The following ABHD2 variants were observed in gnomAD, a reference collection of about 807,000 sequenced individuals.
The protein encoded by ABHD2 is monoacylglycerol lipase ABHD2.
In ABHD2, 20 loss-of-function variants were observed where a neutral mutation model predicts 48.1. That is an observed-to-expected ratio of 0.42 (90% CI 0.29 to 0.60). ABHD2 has a LOEUF of 0.60. Among genes scored for constraint, ABHD2 ranks in the 20% least tolerant of loss-of-function variants. The pLI is 0.24. For synonymous variants in ABHD2, 209 were observed against 214.2 expected, an observed-to-expected ratio of 0.98 and a Z score of 0.21; for missense variants, 405 against 550.9, an observed-to-expected ratio of 0.74 and a Z score of 2.65.
Position 89,151,105 on chromosome 15 carries a change from A to G in ABHD2, c.195-572A>G, listed in dbSNP as rs1416891418. On this transcript the variant is annotated intron_variant, in intron 3 of 10. Transcript: ENST00000352732. This position sits in a 1 kb window ranked among gnomAD's most constrained non-coding sequence, Gnocchi z 4.7. ...CAAATATTTACACTGCACTGCCCTT[A>G]CAGCATATTCTCTGGAGCATAGAGT... Among the ~76,000 whole-genome samples, 1 of 152,242 alleles carries G rather than the reference A, an allele frequency of 6.6e-6. No individual in the cohort carries two copies. The highest frequency in any genetic ancestry group is 1.5e-5 in the Non-Finnish European group (1 of 68,050).
chr15:89,116,196 G>T lies in ABHD2; in HGVS notation c.-6-126G>T, dbSNP rs540302187. The T allele has an allele frequency of 1.1e-6, 1 of 876,874 alleles. No homozygotes were observed. The highest frequency in any genetic ancestry group is 2.5e-5 in the East Asian group (1 of 39,436). 54.3% of individuals were successfully genotyped at this position (876,874 alleles called of 1,614,324 possible). A position where few individuals can be genotyped will look rare whatever the true frequency, so the allele number is the denominator to read the frequency against. ...GGTGTCTGCCTGTCAGGAGCCTGCG[G>T]AAACATCTGAATTGTGACACACCGT... On this transcript the variant is annotated intron_variant, in intron 2 of 10. Coordinates refer to ENST00000352732, the MANE Select transcript of ABHD2 (RefSeq NM_152924.5). This position sits in a 1 kb window ranked among gnomAD's most constrained non-coding sequence, Gnocchi z 4.6.
intron 3 of ABHD2, among the ~76,000 whole-genome samples, chr15:89,129,605 T>C (rs1166560906): frequency 6.6e-6 from 1 of 151,910 alleles, no homozygotes; most frequent in African/African-American, 2.4e-5. Flanking sequence ...GGGGCCCAAG[T>C]GAGAGGGTGA....
rs1005615581 is a variant in ABHD2 at position 89,201,760 on chromosome 15, G to C, written c.*6337G>C. ...AGGTCTATGGGCGGGTCGAGGACCA[G>C]GATCTGCTCGTGCTTCGCCGTGGCC... On this transcript the variant is annotated 3_prime_UTR_variant, in exon 11 of 11. Coordinates refer to ENST00000352732, the MANE Select transcript of ABHD2 (RefSeq NM_152924.5). 3.8e-5 allele frequency: 59 copies of C among 1,535,960 alleles called. No individual in the cohort carries two copies. The Middle Eastern group carries it at 1.2e-3, about 31-fold the overall frequency.
chr15:89,155,680 G>T lies in ABHD2; in HGVS notation c.538+146G>T. The stretch of plus-strand genomic sequence containing the variant: ...ACACGGTTATATCAACAGCCAACTT[G>T]TACTGGGCATTGATGATGCCATGCC... On this transcript the variant is annotated intron_variant, in intron 5 of 10. Transcript: ENST00000352732. The surrounding 1 kb of genome is among the most constrained non-coding windows in gnomAD (Gnocchi z 4.9). 1 of 1,022,402 alleles carries T rather than the reference G, an allele frequency of 9.8e-7. No homozygotes were observed. The highest frequency in any genetic ancestry group is 1.4e-6 in the Non-Finnish European group (1 of 713,810). The allele number at this position is 1,022,402 out of a possible 1,614,324, so 63.3% of individuals were successfully genotyped here.
At chr15:89,148,118 C>CAAA (rs10711138) in intron 3 of ABHD2, among the ~76,000 whole-genome samples, 126 of 69,412 alleles carry the variant, frequency 1.8e-3, no homozygotes, top group South Asian at 4.0e-3. Context: ...GACTCCGTCT[C>CAAA]AAAAAAAAAA....
At chr15:89,178,043 A>G (rs1455091266) in intron 6 of ABHD2, among the ~76,000 whole-genome samples, 1 of 152,234 alleles carries the variant, frequency 6.6e-6, no homozygotes, top group Admixed American at 6.5e-5. Context: ...TTTTGCAGAC[A>G]TAGCCTACAC....
rs1278419562 is a variant in ABHD2, at chr15:89,106,522, G to T, written c.-106-7203G>T. 1.3e-5 allele frequency: 2 copies of T among 152,208 alleles called. No individual in the cohort carries two copies. Among genetic ancestry groups the T allele is most frequent in the African/African-American group, 4.8e-5 (2 of 41,408 alleles). The allele number at this position is 152,208 out of a possible 1,614,324, so 9.4% of individuals were successfully genotyped here. A position where few individuals can be genotyped will look rare whatever the true frequency, so the allele number is the denominator to read the frequency against. ...CCGAAGCCTCCTGGCTATGTTCTGA[G>T]GCTCTCCCATCCCATGGCAGTGAAA... On this transcript the variant is annotated intron_variant, in intron 1 of 10. Coordinates refer to ENST00000352732, the MANE Select transcript of ABHD2 (RefSeq NM_152924.5). This position sits in a 1 kb window ranked among gnomAD's most constrained non-coding sequence, Gnocchi z 4.2.
At position 89,151,931 on chromosome 15, in the gene ABHD2, T is replaced by C; in HGVS notation, c.370+79T>C. 6.6e-7 allele frequency: 1 copy of C among 1,521,874 alleles called. No homozygotes were observed. Among genetic ancestry groups the C allele is most frequent in the Non-Finnish European group, 8.9e-7 (1 of 1,127,724 alleles). The allele number at this position is 1,521,874 out of a possible 1,614,324, so 94.3% of individuals were successfully genotyped here. ...TCAGTGGAGAGCACAGCAGTGTGAA[T>C]ACTTGTGCCACTGACTCTGCCCATG... is the stretch of plus-strand genomic sequence containing the variant. On this transcript the variant is annotated intron_variant, in intron 4 of 10. Transcript: ENST00000352732. The surrounding 1 kb of genome is among the most constrained non-coding windows in gnomAD (Gnocchi z 4.7).
chr15:89,043,722 A>G, the ABHD2 span, among the ~76,000 whole-genome samples: 6 of 109,204 alleles, frequency 5.5e-5, no homozygotes, highest in African/African-American at 1.1e-4. Context: ...GAGGAGGGAG[A>G]AGGAGGAGGG....
At chr15:89,147,649 G>A (rs1339528410) in intron 3 of ABHD2, among the ~76,000 whole-genome samples, 3 of 151,084 alleles carry the variant, frequency 2.0e-5, no homozygotes, top group East Asian at 3.9e-4. Context: ...CACTGCGCCC[G>A]GCTGCATAGC....
chr15:89,051,341 G>A, the ABHD2 span, among the ~76,000 whole-genome samples: 1 of 152,182 alleles, frequency 6.6e-6, no homozygotes, highest in Non-Finnish European at 1.5e-5. Flanking sequence ...ATACAAAGAT[G>A]TGGGAAATAC....
At chr15:89,108,393 T>C (rs12102212) in intron 1 of ABHD2, among the ~76,000 whole-genome samples, 1 of 152,164 alleles carries the variant, frequency 6.6e-6, no homozygotes, top group Non-Finnish European at 1.5e-5. Flanking sequence ...TGTCTTTGTA[T>C]CCAGATTTCA....
At chr15:89,110,840 T>C (rs752334605) in intron 1 of ABHD2, among the ~76,000 whole-genome samples, 23 of 152,238 alleles carry the variant, frequency 1.5e-4, no homozygotes, top group Non-Finnish European at 2.9e-4. Flanking sequence ...AATTCTCTAC[T>C]GCATTTGCTA....
At chr15:89,074,059 T>C in the ABHD2 span, among the ~76,000 whole-genome samples, 4 of 152,136 alleles carry the variant, frequency 2.6e-5, no homozygotes, top group South Asian at 2.1e-4. Flanking sequence ...ATTTCTTACA[T>C]TGGTTCTCCA....
In ABHD2 at chr15:89,177,349, CGATCGGCG is replaced by C. The variant is rs2051032425; in HGVS notation, c.722+1359_722+1366del. Among the ~76,000 whole-genome samples the C allele has an allele frequency of 6.6e-6, 1 of 152,072 alleles. No individual in the cohort carries two copies. The highest frequency in any genetic ancestry group is 1.5e-5 in the Non-Finnish European group (1 of 68,018). ...CACTGTAAAATGAAGGAGGTGGGTTCGATCGGCGGATCACAAAGACCGGTCCAGTGAAC... is the reference window on the plus strand; with the variant it reads ...CACTGTAAAATGAAGGAGGTGGGTTCGATCACAAAGACCGGTCCAGTGAAC... On this transcript the variant is annotated intron_variant, in intron 6 of 10. Transcript: ENST00000352732. The surrounding 1 kb of genome is among the most constrained non-coding windows in gnomAD (Gnocchi z 5.6).
At position 89,088,725 on chromosome 15, in the gene ABHD2, G is replaced by A. The variant is rs1901465437; in HGVS notation, c.-107+162G>A. The stretch of plus-strand genomic sequence containing the variant: ...CATCTGGCGCCGTGGGGGTCCCAGG[G>A]GCTGGCTTGCCCAGTGGTGGGGACA... On this transcript the variant is annotated intron_variant, in intron 1 of 10. Coordinates refer to ENST00000352732, the MANE Select transcript of ABHD2 (RefSeq NM_152924.5). This position sits in a 1 kb window ranked among gnomAD's most constrained non-coding sequence, Gnocchi z 6.8. Among the ~76,000 whole-genome samples, 1 of 152,252 alleles carries A rather than the reference G, an allele frequency of 6.6e-6. No individual in the cohort carries two copies. The highest frequency in any genetic ancestry group is 2.1e-4 in the South Asian group (1 of 4,834).
intron 3 of ABHD2, among the ~76,000 whole-genome samples, chr15:89,144,442 G>T (rs560995474): frequency 6.6e-6 from 1 of 152,006 alleles, no homozygotes; most frequent in Non-Finnish European, 1.5e-5. Context: ...CTACCATTCA[G>T]TGTCTATAAC....
In ABHD2 at chr15:89,137,219, C is replaced by T. The variant is rs147106495; in HGVS notation, c.195-14458C>T. ...GTGTCAAAACCAGGTTGAAATGCAA[C>T]GTGAGGAGAGAGGACTGTGCTTTGG... On this transcript the variant is annotated intron_variant, in intron 3 of 10. Coordinates refer to ENST00000352732, the MANE Select transcript of ABHD2 (RefSeq NM_152924.5). The surrounding 1 kb of genome is among the most constrained non-coding windows in gnomAD (Gnocchi z 4.8). Among the ~76,000 whole-genome samples, 22 of 152,126 alleles carry T rather than the reference C, an allele frequency of 1.4e-4. No individual in the cohort carries two copies. The East Asian group carries it at 1.9e-3, about 13-fold the overall frequency.
At chr15:89,171,169 T>C (rs2050921654) in intron 5 of ABHD2, among the ~76,000 whole-genome samples, 1 of 152,078 alleles carries the variant, frequency 6.6e-6, no homozygotes, top group Non-Finnish European at 1.5e-5. Flanking sequence ...GGACAATGGT[T>C]CTCAAAGTGT....
Sources: allele counts gnomAD v4.1 joint callset (sites outside exome capture counted in the v4.1 genomes callset), GRCh38; gene constraint gnomAD v4.1.1; non-coding constraint Gnocchi (gnomAD v3.1); transcripts MANE v1.5; gene names NCBI Gene and HGNC (gene_info 2026-07-23, HGNC 2026-07-21).